STXBP5L: variants seen among roughly 807,000 people sequenced by gnomAD.
The protein encoded by STXBP5L is syntaxin-binding protein 5-like.
STXBP5L carries 65 observed loss-of-function variants against 144.5 expected under a neutral mutation model. The observed-to-expected ratio is 0.45, with a 90% confidence interval of 0.37 to 0.55. The LOEUF (loss-of-function observed/expected upper bound fraction) is 0.55. Ranked by LOEUF, STXBP5L falls within the 20% of genes least tolerant of loss-of-function variation. STXBP5L has a pLI of 0.00. For synonymous variants in STXBP5L, 505 were observed against 469.6 expected, an observed-to-expected ratio of 1.08 and a Z score of -0.97; for missense variants, 1,298 against 1,405.5, an observed-to-expected ratio of 0.92 and a Z score of 1.22.
At chr3:121,301,894 G>T (rs1169719913) in intron 19 of STXBP5L, among the ~76,000 whole-genome samples, 2 of 152,204 alleles carry the variant, frequency 1.3e-5, no homozygotes, top group Admixed American at 6.5e-5. Flanking sequence ...CAGGGATGAA[G>T]CCCACTTGAC....
intron 2 of STXBP5L, among the ~76,000 whole-genome samples, chr3:120,944,970 A>G (rs867301451): frequency 1.3e-5 from 2 of 151,878 alleles, no homozygotes; most frequent in South Asian, 4.1e-4. Context: ...GAAAACAAGC[A>G]TCATTGAAAT....
At position 121,422,256 on chromosome 3, in the gene STXBP5L, G is replaced by C. The variant is rs746156883; in HGVS notation, c.*3159G>C. 3.9e-5 allele frequency: 6 copies of C among 151,914 alleles called. No homozygotes were observed. Among genetic ancestry groups the C allele is most frequent in the Non-Finnish European group, 7.4e-5 (5 of 67,992 alleles). 9.4% of individuals were successfully genotyped at this position (151,914 alleles called of 1,614,324 possible). On this transcript the variant is annotated 3_prime_UTR_variant, in exon 27 of 27. Transcript: ENST00000471454. ...ATAAGAAAAATACTCCTAATAACTT[G>C]GACAATGATACAGAAAGTGACTCTG...
At chr3:120,988,571 A>G (rs1320122039) in intron 3 of STXBP5L, among the ~76,000 whole-genome samples, 4 of 152,034 alleles carry the variant, frequency 2.6e-5, no homozygotes, top group Non-Finnish European at 5.9e-5. Flanking sequence ...AGAAACATGT[A>G]TGTTGTTCTT....
chr3:121,092,961 A>G (rs1487132388), intron 5 of STXBP5L, among the ~76,000 whole-genome samples: 3 of 152,172 alleles, frequency 2.0e-5, no homozygotes, highest in East Asian at 1.9e-4. Context: ...TACCTAATTT[A>G]TTGAGAGTTT....
intron 3 of STXBP5L, among the ~76,000 whole-genome samples, chr3:120,983,587 A>C (rs992912055): frequency 1.3e-5 from 2 of 152,114 alleles, no homozygotes; most frequent in African/African-American, 4.8e-5. Flanking sequence ...GAGTTCGAAA[A>C]TGCCTTTGTG....
At chr3:121,302,107 T>C (rs1306548063) in intron 19 of STXBP5L, among the ~76,000 whole-genome samples, 2 of 152,198 alleles carry the variant, frequency 1.3e-5, no homozygotes, top group African/African-American at 4.8e-5. Context: ...ATTGGAATAG[T>C]TTCAGAAGGA....
chr3:121,348,688 G>T (rs948810755), intron 20 of STXBP5L, among the ~76,000 whole-genome samples: 1 of 152,032 alleles, frequency 6.6e-6, no homozygotes, highest in Admixed American at 6.6e-5. Flanking sequence ...AGTCTTGGGA[G>T]GGTGTATGTG....
chr3:121,323,052 C>T (rs2044028191), intron 20 of STXBP5L, among the ~76,000 whole-genome samples: 1 of 152,026 alleles, frequency 6.6e-6, no homozygotes. Flanking sequence ...TTGTTTTGTG[C>T]TTGTTGAATT....
intron 14 of STXBP5L, among the ~76,000 whole-genome samples, chr3:121,250,275 A>G (rs2049988952): frequency 6.6e-6 from 1 of 152,010 alleles, no homozygotes; most frequent in Non-Finnish European, 1.5e-5. Flanking sequence ...ACATTTGATT[A>G]TTACCAAATA....
chr3:121,151,182 CTTAG>C (rs967118321), intron 7 of STXBP5L, among the ~76,000 whole-genome samples: 4 of 151,770 alleles, frequency 2.6e-5, no homozygotes, highest in Non-Finnish European at 5.9e-5. Flanking sequence ...TAAAACATAT[CTTAG>C]TACACTTAGT....
intron 11 of STXBP5L, 62 bp downstream of exon 11, chr3:121,223,219 C>T (rs1306005605): frequency 6.7e-7 from 1 of 1,498,632 alleles, no homozygotes; most frequent in East Asian, 2.3e-5. Flanking sequence ...AAGTTTCTAA[C>T]AAAATTAAGG....
chr3:120,954,971 C>A lies in STXBP5L; in HGVS notation c.221C>A (p.Thr74Lys). ...CGGCATGGTTTTCCTCATCAGCCCA[C>A]AGCATTAGCCTTTGATCCAGTTCAG... ...TVRHGFPHQP[T>K]ALAFDPVQKI... The change falls in exon 3 of 27, where the codon ACA (threonine) becomes AAA (lysine). Residue 74 changes from threonine to lysine, a missense_variant. Transcript: ENST00000471454. 6.2e-7 allele frequency: 1 copy of A among 1,612,558 alleles called. No homozygotes were observed. The highest frequency in any genetic ancestry group is 1.7e-5 in the Admixed American group (1 of 59,780).
chr3:121,387,918 G>T (rs1206551938), intron 22 of STXBP5L, among the ~76,000 whole-genome samples: 7 of 152,274 alleles, frequency 4.6e-5, no homozygotes, highest in African/African-American at 1.2e-4. Flanking sequence ...CTTTAAAGTA[G>T]TTTTTTCCAA....
rs1367601033 is a variant in STXBP5L, at chr3:121,130,844, A to G, written c.669+9140A>G. 2.6e-5 allele frequency among the ~76,000 whole-genome samples: 4 copies of G among 152,160 alleles called. No individual in the cohort carries two copies. The East Asian group carries it at 7.7e-4, about 29-fold the overall frequency. On this transcript the variant is annotated intron_variant, in intron 7 of 26. Transcript: ENST00000471454. ...AATACAAATCAAAATAGGTGAACAT[A>G]TAAACATCAAAATAGTGATATATAT...
At chr3:121,303,223 GAACA>G (rs1365793122) in intron 19 of STXBP5L, among the ~76,000 whole-genome samples, 1 of 152,160 alleles carries the variant, frequency 6.6e-6, no homozygotes, top group Non-Finnish European at 1.5e-5. Context: ...CAAAGGATAT[GAACA>G]GACACTTCTC....
At chr3:120,919,168 A>G (rs902028957) in intron 2 of STXBP5L, among the ~76,000 whole-genome samples, 2 of 152,078 alleles carry the variant, frequency 1.3e-5, no homozygotes, top group Non-Finnish European at 2.9e-5. Context: ...ACTGATTTTT[A>G]CCCATGAAAT....
intron 15 of STXBP5L, among the ~76,000 whole-genome samples, chr3:121,254,033 C>T (rs922849832): frequency 6.6e-6 from 1 of 152,032 alleles, no homozygotes; most frequent in Admixed American, 6.6e-5. Flanking sequence ...TTTAAAAACT[C>T]TGGAAAAGTT....
At chr3:121,002,665 A>T (rs888001877) in intron 3 of STXBP5L, among the ~76,000 whole-genome samples, 3 of 152,056 alleles carry the variant, frequency 2.0e-5, no homozygotes, top group Non-Finnish European at 4.4e-5. Flanking sequence ...TTAACTTGTC[A>T]TTTTACATTA....
intron 3 of STXBP5L, among the ~76,000 whole-genome samples, chr3:121,019,971 C>T (rs762754579): frequency 2.0e-5 from 3 of 152,074 alleles, no homozygotes; most frequent in South Asian, 4.1e-4. Flanking sequence ...ACTACTTAGC[C>T]AATCAAGGAG....
Sources: allele counts gnomAD v4.1 joint callset (sites outside exome capture counted in the v4.1 genomes callset), GRCh38; gene constraint gnomAD v4.1.1; transcripts MANE v1.5; gene names NCBI Gene and HGNC (gene_info 2026-07-23, HGNC 2026-07-21).